The following NAALADL2 variants were observed in gnomAD, a reference collection of about 807,000 sequenced individuals.
NAALADL2 encodes the protein N-acetylated alpha-linked acidic dipeptidase like 2.
A neutral mutation model predicts 87.2 loss-of-function variants in NAALADL2; 76 were observed. That is an observed-to-expected ratio of 0.87 (90% CI 0.72 to 1.05). The LOEUF (loss-of-function observed/expected upper bound fraction) is 1.05, where lower values mean the gene tolerates loss of function less well. Among genes scored for constraint, NAALADL2 ranks in the 50% least tolerant of loss-of-function variants. The probability of loss-of-function intolerance (pLI) is 0.00; values close to 1 mark genes in which losing one functional copy is unlikely to be tolerated. For synonymous variants in NAALADL2, 354 were observed against 331.0 expected (o/e 1.07, Z -0.75); for missense variants, 1,089 against 945.8 (o/e 1.15, Z -1.99).
chr3:175,613,186 C>A (rs1484823582), intron 10 of NAALADL2, among the ~76,000 whole-genome samples: 1 of 152,098 alleles, frequency 6.6e-6, no homozygotes, highest in Non-Finnish European at 1.5e-5. Context: ...AGGAGAGAAG[C>A]TAAAGAGAAA....
chr3:174,749,649 A>G (rs1004945165), intron 3 of NAALADL2, among the ~76,000 whole-genome samples: 1 of 152,154 alleles, frequency 6.6e-6, no homozygotes, highest in Non-Finnish European at 1.5e-5. Context: ...CCATTGCTGA[A>G]AATTTTAATA....
intron 2 of NAALADL2, among the ~76,000 whole-genome samples, chr3:174,735,536 T>G (rs1733109801): frequency 6.6e-6 from 1 of 152,050 alleles, no homozygotes; most frequent in Non-Finnish European, 1.5e-5. Flanking sequence ...TTCCTTCCAG[T>G]TACGTATTTT....
intron 9 of NAALADL2, among the ~76,000 whole-genome samples, chr3:175,518,956 G>A (rs1237820369): frequency 6.6e-6 from 1 of 152,204 alleles, no homozygotes; most frequent in East Asian, 1.9e-4. Flanking sequence ...AATTATTCAT[G>A]TTTATGCTTA....
At chr3:174,668,578 C>A (rs541330372) in intron 2 of NAALADL2, among the ~76,000 whole-genome samples, 18 of 152,258 alleles carry the variant, frequency 1.2e-4, no homozygotes, top group South Asian at 1.0e-3. Context: ...CCTCTCCCCC[C>A]ACCCCGCAAC....
intron 13 of NAALADL2, among the ~76,000 whole-genome samples, chr3:175,764,201 C>G (rs957312196): frequency 6.6e-6 from 1 of 151,218 alleles, no homozygotes; most frequent in Non-Finnish European, 1.5e-5. Flanking sequence ...GGTCCAGTAT[C>G]CCATTTTTCA....
chr3:175,332,289 AC>A (rs969694897), intron 5 of NAALADL2, among the ~76,000 whole-genome samples: 1 of 152,182 alleles, frequency 6.6e-6, no homozygotes, highest in Non-Finnish European at 1.5e-5. Context: ...AAAAGAAGAA[AC>A]CTGGAGACAT....
chr3:174,708,498 T>A (rs1045151263), intron 2 of NAALADL2, among the ~76,000 whole-genome samples: 1 of 152,198 alleles, frequency 6.6e-6, no homozygotes, highest in African/African-American at 2.4e-5. Flanking sequence ...AAGCTGATCT[T>A]CTGAGAAATT....
intron 5 of NAALADL2, among the ~76,000 whole-genome samples, chr3:175,436,907 G>A (rs200093588): frequency 0.65 from 49,740 of 76,016 alleles, 16,047 homozygotes; most frequent in Middle Eastern, 0.79. Context: ...TTGGTGTTTT[G>A]GACATGAAGT....
intron 5 of NAALADL2, among the ~76,000 whole-genome samples, chr3:175,339,607 G>T (rs934550542): frequency 1.8e-4 from 28 of 152,202 alleles, no homozygotes; most frequent in East Asian, 3.9e-4. Flanking sequence ...TATGAGAATG[G>T]GCACAGAATA....
At chr3:174,941,459 G>A (rs1738579979) in intron 1 of NAALADL2, among the ~76,000 whole-genome samples, 1 of 152,104 alleles carries the variant, frequency 6.6e-6, no homozygotes, top group Non-Finnish European at 1.5e-5. Context: ...GTGATGAGAA[G>A]AGTATATATT....
At chr3:175,177,180 A>G (rs889069417) in intron 2 of NAALADL2, among the ~76,000 whole-genome samples, 2 of 151,974 alleles carry the variant, frequency 1.3e-5, no homozygotes, top group African/African-American at 2.4e-5. Flanking sequence ...CTTGTGTCTA[A>G]TTTTCCCTAA....
chr3:174,579,503 G>A (rs1715921432), intron 2 of NAALADL2, among the ~76,000 whole-genome samples: 1 of 152,042 alleles, frequency 6.6e-6, no homozygotes, highest in Non-Finnish European at 1.5e-5. Context: ...TATAGAATGT[G>A]CAGAGCTAAT....
intron 1 of NAALADL2, among the ~76,000 whole-genome samples, chr3:174,503,343 C>T (rs542643783): frequency 5.9e-5 from 9 of 152,152 alleles, no homozygotes; most frequent in South Asian, 2.1e-4. Flanking sequence ...GAAAACCTAA[C>T]CATAACTTAA....
intron 13 of NAALADL2, among the ~76,000 whole-genome samples, chr3:175,794,805 T>C (rs1185138259): frequency 6.6e-6 from 1 of 152,220 alleles, no homozygotes; most frequent in Non-Finnish European, 1.5e-5. Context: ...AATTATGCTG[T>C]GATGGTTTTC....
chr3:174,896,975 A>C (rs75557603), intron 1 of NAALADL2, among the ~76,000 whole-genome samples: 3,886 of 152,284 alleles, frequency 0.026, 174 homozygotes, highest in African/African-American at 0.087. Flanking sequence ...ATCCATATGC[A>C]AACAAATGAA....
intron 11 of NAALADL2, among the ~76,000 whole-genome samples, chr3:175,729,035 A>G (rs1223141067): frequency 2.0e-5 from 3 of 152,184 alleles, no homozygotes; most frequent in Non-Finnish European, 2.9e-5. Flanking sequence ...CTGCTCCCCA[A>G]ATATATGTGT....
intron 2 of NAALADL2, among the ~76,000 whole-genome samples, chr3:174,682,481 A>C (rs531941): frequency 0.82 from 125,506 of 152,172 alleles, 52,193 homozygotes; most frequent in African/African-American, 0.93. Context: ...CAGATATGAC[A>C]CAGTGCAGTC....
intron 11 of NAALADL2, among the ~76,000 whole-genome samples, chr3:175,636,660 T>C (rs1462697776): frequency 7.6e-6 from 1 of 132,036 alleles, no homozygotes; most frequent in African/African-American, 2.9e-5. Flanking sequence ...ATTGCACCAC[T>C]ACAGTCCAGC....
At chr3:175,232,714 A>G (rs1745166404) in intron 2 of NAALADL2, among the ~76,000 whole-genome samples, 2 of 152,194 alleles carry the variant, frequency 1.3e-5, no homozygotes, top group Admixed American at 1.3e-4. Context: ...GTTGTTGAAT[A>G]AACAGGGTCC....
Sources: allele counts gnomAD v4.1 joint callset (sites outside exome capture counted in the v4.1 genomes callset), GRCh38; gene constraint gnomAD v4.1.1; transcripts MANE v1.5; gene names NCBI Gene and HGNC (gene_info 2026-07-23, HGNC 2026-07-21).